The following SNRNP200 variants were observed in gnomAD, a reference collection of about 807,000 sequenced individuals.
The protein encoded by SNRNP200 is small nuclear ribonucleoprotein U5 subunit 200, also known as U5 small nuclear ribonucleoprotein 200 kDa helicase.
SNRNP200 carries 66 observed loss-of-function variants against 255.2 expected under a neutral mutation model. The ratio of observed to expected loss-of-function variants is 0.26; its 90% CI spans 0.21 to 0.32. The LOEUF is 0.32. Ranked by LOEUF, SNRNP200 falls within the 10% of genes least tolerant of loss-of-function variation. The pLI is 1.00. For synonymous variants in SNRNP200, 939 were observed against 1,027.8 expected (o/e 0.91, Z 1.65); for missense variants, 1,585 against 2,749.8 (o/e 0.58, Z 9.47).
At position 96,303,222 on chromosome 2, in the gene SNRNP200, A is replaced by T. The variant is rs763830666; in HGVS notation, c.318T>A (p.Thr106=). Residue 106 remains threonine (T), a synonymous_variant, in exon 3 of 45, where the codon ACT becomes ACA. Coordinates refer to ENST00000323853, the MANE Select transcript of SNRNP200 (RefSeq NM_014014.5). ...CCTCATAGGTCTCCCGAGTCTCTTT[A>T]GTTTTGGGCTTGTAGATGATGCCCA... The part of the protein sequence containing the change: ...EMVGIIYKPK[T]KETRETYEVL... The T allele has an allele frequency of 4.3e-6, 7 of 1,614,044 alleles. No homozygotes were observed. In the East Asian group the frequency reaches 1.1e-4, roughly 26 times the overall value.
In SNRNP200 at chr2:96,283,795, G is replaced by A. The variant is rs371650935; in HGVS notation, c.4584+18C>T. Reference sequence around the variant, plus strand: ...TCTATGTGACACCCCACAGACGGATGAGGAGAGTGGGTCCTACCTGGATGT... The same window carrying A: ...TCTATGTGACACCCCACAGACGGATAAGGAGAGTGGGTCCTACCTGGATGT... On this transcript the variant is annotated intron_variant, in intron 32 of 44. Transcript: ENST00000323853. This position sits in a 1 kb window ranked among gnomAD's most constrained non-coding sequence, Gnocchi z 4.7. 1.5e-3 allele frequency: 2,407 copies of A among 1,613,630 alleles called. 15 individuals are homozygous for A. The highest frequency in any genetic ancestry group is 1.1e-3 in the Non-Finnish European group (1,334 of 1,179,764).
chr2:96,293,430 A>G lies in SNRNP200; in HGVS notation c.1922T>C (p.Met641Thr). The G allele has an allele frequency of 1.2e-6, 2 of 1,613,640 alleles. No homozygotes were observed. Among genetic ancestry groups the G allele is most frequent in the Non-Finnish European group, 1.7e-6 (2 of 1,180,028 alleles). Residue 641 changes from methionine (M) to threonine (T), a missense_variant, in exon 15 of 45, where the codon ATG becomes ACG. Transcript: ENST00000323853. ...AATGAGTCGGACATCCTCTTGGGTCATCTCAATGTTTCGGATGGCCCTGGC... is the reference window on the plus strand; with the variant it reads ...AATGAGTCGGACATCCTCTTGGGTCGTCTCAATGTTTCGGATGGCCCTGGC... ...LVARAIRNIEMTQEDVRLIGL... is the reference protein window; with the variant it reads ...LVARAIRNIETTQEDVRLIGL...
intron 7 of SNRNP200, 25 bp from the exon 8 acceptor site, chr2:96,298,727 A>G (rs1394402432): frequency 1.2e-6 from 2 of 1,613,822 alleles, no homozygotes; most frequent in African/African-American, 1.3e-5. Context: ...TAACACCACC[A>G]TTAAGGCCAA....
Position 96,290,872 on chromosome 2 carries a change from T to A in SNRNP200, c.2422-57A>T. ...CAGATGCCATCACCAGGGGTTAATA[T>A]CCCTGGCTTCTCTAGGCAGTTGGCC... On this transcript the variant is annotated intron_variant, in intron 18 of 44. Transcript: ENST00000323853. This position sits in a 1 kb window ranked among gnomAD's most constrained non-coding sequence, Gnocchi z 4.5. 2 of 1,608,524 alleles carry A rather than the reference T, an allele frequency of 1.2e-6. No individual in the cohort carries two copies. Among genetic ancestry groups the A allele is most frequent in the Non-Finnish European group, 1.7e-6 (2 of 1,175,872 alleles).
chr2:96,277,991 C>T lies in SNRNP200; in HGVS notation c.5611-41G>A. On this transcript the variant is annotated intron_variant, in intron 39 of 44. Coordinates refer to ENST00000323853, the MANE Select transcript of SNRNP200 (RefSeq NM_014014.5). This position sits in a 1 kb window ranked among gnomAD's most constrained non-coding sequence, Gnocchi z 4.4. The stretch of plus-strand genomic sequence containing the variant: ...AAAATAGCTGGTGATGAACAGGTGA[C>T]CCTGCCTGAGACCAGCTCAGGCCAA... 6.2e-7 allele frequency: 1 copy of T among 1,614,092 alleles called. No individual in the cohort carries two copies. Among genetic ancestry groups the T allele is most frequent in the Non-Finnish European group, 8.5e-7 (1 of 1,179,986 alleles).
chr2:96,300,992 A>G lies in SNRNP200; in HGVS notation c.630+6T>C. The G allele has an allele frequency of 6.2e-7, 1 of 1,612,676 alleles. No homozygotes were observed. The highest frequency in any genetic ancestry group is 1.7e-4 in the Middle Eastern group (1 of 6,058). Reference sequence around the variant, plus strand: ...CAAGAATGGACTGGGTATGTTTATCACTCACCTCCTCATCAGACTCAAACT... The same window carrying G: ...CAAGAATGGACTGGGTATGTTTATCGCTCACCTCCTCATCAGACTCAAACT... On this transcript the variant is annotated splice_donor_region_variant and intron_variant, in intron 5 of 44. Transcript: ENST00000323853.
At position 96,299,517 on chromosome 2, in the gene SNRNP200, A is replaced by AT; in HGVS notation, c.631-91dup. The AT allele has an allele frequency of 1.8e-5, 19 of 1,063,238 alleles. No individual in the cohort carries two copies. In the South Asian group the frequency reaches 2.3e-4, roughly 13 times the overall value. The allele number at this position is 1,063,238 out of a possible 1,614,324, so 65.9% of individuals were successfully genotyped here. On this transcript the variant is annotated intron_variant, in intron 5 of 44. Coordinates refer to ENST00000323853, the MANE Select transcript of SNRNP200 (RefSeq NM_014014.5). ...CCTCAAGTCACCCTAAATTAGCTCA[A>AT]TGGGTAGAGAAATGGCTTTGGGGTG...
intron 4 of SNRNP200, 105 bp downstream of exon 4, chr2:96,301,419 G>A (rs1360960816): frequency 5.1e-6 from 6 of 1,166,336 alleles, no homozygotes; most frequent in Non-Finnish European, 7.8e-6. Flanking sequence ...CAGATTATGG[G>A]AACTCACTGA....
At position 96,278,897 on chromosome 2, in the gene SNRNP200, A is replaced by G; in HGVS notation, c.5235T>C (p.Ile1745=). ...HFNAEIVTKT[I]ENKQDAVDYL... The stretch of plus-strand genomic sequence containing the variant: ...AGTCCACAGCATCCTGCTTGTTCTC[A>G]ATGGTCTTGGTGACGATCTCAGCAT... The change falls in exon 37 of 45, where the codon ATT becomes ATC. Residue 1745 remains isoleucine (I), a synonymous_variant. Coordinates refer to ENST00000323853, the MANE Select transcript of SNRNP200 (RefSeq NM_014014.5). This position sits in a 1 kb window ranked among gnomAD's most constrained non-coding sequence, Gnocchi z 6.9. 6 of 1,614,076 alleles carry G rather than the reference A, an allele frequency of 3.7e-6. No individual in the cohort carries two copies. The highest frequency in any genetic ancestry group is 1.7e-5 in the Admixed American group (1 of 60,004).
intron 4 of SNRNP200, among the ~76,000 whole-genome samples, 192 bp from the exon 5 acceptor site, chr2:96,301,245 C>T (rs916094276): frequency 5.3e-5 from 8 of 152,202 alleles, no homozygotes; most frequent in African/African-American, 1.7e-4. Context: ...CACCTGCCAG[C>T]CTTGGAGTCA....
chr2:96,303,137 T>C (rs1212562863), intron 3 of SNRNP200, 22 bp downstream of exon 3: 1 of 1,612,122 alleles, frequency 6.2e-7, no homozygotes, highest in Non-Finnish European at 8.5e-7. Context: ...ACCTAATATA[T>C]ATTTCACAAT....
At position 96,301,037 on chromosome 2, in the gene SNRNP200, C is replaced by T. The variant is rs1175567826; in HGVS notation, c.591G>A (p.Glu197=). 1.2e-6 allele frequency: 2 copies of T among 1,613,900 alleles called. No homozygotes were observed. Among genetic ancestry groups the T allele is most frequent in the Non-Finnish European group, 1.7e-6 (2 of 1,179,830 alleles). The change falls in exon 5 of 45, where the codon GAG becomes GAA. Residue 197 remains glutamate (E), a synonymous_variant. Transcript: ENST00000323853. Reference sequence around the variant, plus strand: ...CAAACTGCACATTCACACCGTATGTCTCATCAATGTTGTCATCTGAAACAA... The same window carrying T: ...CAAACTGCACATTCACACCGTATGTTTCATCAATGTTGTCATCTGAAACAA... ...EIQNMDDNID[E]TYGVNVQFES...
chr2:96,297,791 C>G, intron 9 of SNRNP200, 71 bp from the exon 10 acceptor site: 1 of 1,539,640 alleles, frequency 6.5e-7, no homozygotes, highest in Non-Finnish European at 9.0e-7. Flanking sequence ...TTTTCTGCCC[C>G]TGCTTAGCTA....
Position 96,278,864 on chromosome 2 carries a change from G to A in SNRNP200, c.5268C>T (p.Thr1756=). 6.2e-7 allele frequency: 1 copy of A among 1,614,212 alleles called. No individual in the cohort carries two copies. Among genetic ancestry groups the A allele is most frequent in the Non-Finnish European group, 8.5e-7 (1 of 1,180,046 alleles). Residue 1756 remains threonine (T), a synonymous_variant, in exon 37 of 45, where the codon ACC becomes ACT. Coordinates refer to ENST00000323853, the MANE Select transcript of SNRNP200 (RefSeq NM_014014.5). This position sits in a 1 kb window ranked among gnomAD's most constrained non-coding sequence, Gnocchi z 6.9. ...TCATGCGGCGGTACAGAAAGGTCCA[G>A]GTGAGGTAGTCCACAGCATCCTGCT... ...ENKQDAVDYL[T]WTFLYRRMTQ...
chr2:96,279,575 G>C lies in SNRNP200; in HGVS notation c.5025-16C>G. 1.3e-6 allele frequency: 2 copies of C among 1,574,660 alleles called. No homozygotes were observed. The highest frequency in any genetic ancestry group is 2.7e-5 in the African/African-American group (2 of 74,254). On this transcript the variant is annotated splice_polypyrimidine_tract_variant and intron_variant, in intron 35 of 44. Transcript: ENST00000323853. Reference sequence around the variant, plus strand: ...ATCCACATAGCTGGTGACAGAAGCAGGGAAAGAAGGAAAAGCCACCTCAAC... The same window carrying C: ...ATCCACATAGCTGGTGACAGAAGCACGGAAAGAAGGAAAAGCCACCTCAAC...
chr2:96,296,490 C>G (rs1368577461), intron 13 of SNRNP200, 46 bp downstream of exon 13: 1 of 1,605,300 alleles, frequency 6.2e-7, no homozygotes, highest in Non-Finnish European at 8.5e-7. Flanking sequence ...ACAACACTTT[C>G]ATAGGTGCAC....
At chr2:96,292,819 A>G (rs1300070431) in intron 16 of SNRNP200, among the ~76,000 whole-genome samples, 153 bp downstream of exon 16, 1 of 152,216 alleles carries the variant, frequency 6.6e-6, no homozygotes, top group Non-Finnish European at 1.5e-5. Flanking sequence ...TCCAGTGGCT[A>G]TAGGTTCTGT....
chr2:96,285,001 C>T (rs1440482619), intron 30 of SNRNP200, 179 bp downstream of exon 30: 5 of 733,136 alleles, frequency 6.8e-6, no homozygotes, highest in Admixed American at 2.0e-5. Context: ...CTGCCCGCCT[C>T]GGCCTCCCAA....
rs1194575031 is a variant in SNRNP200, at chr2:96,299,359, C to T, written c.699G>A (p.Glu233=). Residue 233 remains glutamate (E), a synonymous_variant, in exon 6 of 45, where the codon GAG becomes GAA. Coordinates refer to ENST00000323853, the MANE Select transcript of SNRNP200 (RefSeq NM_014014.5). ...EASDDDMEGD[E]AVVRCTLSAN... is the part of the protein sequence containing the mutation. ...CCGAGAGGGTGCAGCGCACGACAGC[C>T]TCGTCCCCTTCCATGTCATCATCAG... is the stretch of plus-strand genomic sequence containing the variant. 5 of 1,614,156 alleles carry T rather than the reference C, an allele frequency of 3.1e-6. No individual in the cohort carries two copies. The highest frequency in any genetic ancestry group is 2.2e-5 in the South Asian group (2 of 91,082).
Sources: gnomAD v4.1 joint callset for allele counts (sites outside exome capture counted in the v4.1 genomes callset) on GRCh38, gnomAD v4.1.1 for gene constraint, Gnocchi (gnomAD v3.1) non-coding constraint, MANE v1.5 for transcripts, NCBI Gene and HGNC (gene_info 2026-07-23, HGNC 2026-07-21) for gene names.